The following NRXN3 variants were observed in gnomAD, a reference collection of about 807,000 sequenced individuals.
The protein encoded by NRXN3 is neurexin III.
NRXN3 carries 32 observed loss-of-function variants against 137.6 expected under a neutral mutation model. The ratio of observed to expected loss-of-function variants is 0.23; its 90% confidence interval spans 0.18 to 0.31. The LOEUF (loss-of-function observed/expected upper bound fraction) is 0.31. NRXN3 is among the 10% of genes least tolerant of loss of function. The pLI, the probability that NRXN3 is intolerant of heterozygous loss-of-function variation, is 1.00. For synonymous variants in NRXN3, 798 were observed against 784.5 expected, an observed-to-expected ratio of 1.02 and a Z score of -0.29; for missense variants, 1,574 against 2,062.5, an observed-to-expected ratio of 0.76 and a Z score of 4.59.
chr14:79,304,961 G>A (rs1449266141), intron 15 of NRXN3, among the ~76,000 whole-genome samples: 1 of 151,978 alleles, frequency 6.6e-6, no homozygotes, highest in African/African-American at 2.4e-5. Flanking sequence ...CATACCCCTA[G>A]GAACATCCTG....
chr14:79,425,212 G>A (rs752081721), intron 15 of NRXN3, among the ~76,000 whole-genome samples: 9 of 152,042 alleles, frequency 5.9e-5, no homozygotes, highest in Non-Finnish European at 8.8e-5. Flanking sequence ...GTTATATATC[G>A]GAACCAATGA....
In NRXN3 at chr14:78,924,376, A is replaced by T. The variant is rs759784098; in HGVS notation, c.2276-32866A>T. ...ACACCCAAACAACCATGTAAAATAG[A>T]TATCATAAGCCCTATTGTATTTTAA... is the stretch of plus-strand genomic sequence containing the variant. On this transcript the variant is annotated intron_variant, in intron 10 of 20. Coordinates refer to ENST00000335750, the MANE Select transcript of NRXN3 (RefSeq NM_001330195.2). 8.7e-4 allele frequency among the ~76,000 whole-genome samples: 132 copies of T among 152,196 alleles called. 2 individuals are homozygous for T. Among genetic ancestry groups the T allele is most frequent in the Non-Finnish European group, 1.2e-3 (79 of 68,044 alleles).
intron 15 of NRXN3, among the ~76,000 whole-genome samples, chr14:79,362,615 T>C (rs890926316): frequency 3.9e-5 from 6 of 152,214 alleles, no homozygotes; most frequent in Admixed American, 6.5e-5. Context: ...CTATGTTTCA[T>C]AGAAACATGA....
chr14:78,993,834 ATTTTTTTTTTTTTTTT>A (rs58170856), intron 15 of NRXN3, among the ~76,000 whole-genome samples: 9 of 66,930 alleles, frequency 1.3e-4, no homozygotes, highest in Non-Finnish European at 1.9e-4. Flanking sequence ...GAGCCTTGAA[ATTTTTTTTTTTTTTTT>A]TTTTTTTTTT....
At chr14:79,842,793 CACTATT>C (rs1280664594) in intron 20 of NRXN3, among the ~76,000 whole-genome samples, 2 of 152,090 alleles carry the variant, frequency 1.3e-5, no homozygotes, top group African/African-American at 2.4e-5. Context: ...GAATACAATA[CACTATT>C]ACTAACTACA....
chr14:79,836,815 C>CA (rs146125074), intron 20 of NRXN3, among the ~76,000 whole-genome samples: 3 of 152,026 alleles, frequency 2.0e-5, no homozygotes, highest in Non-Finnish European at 4.4e-5. Context: ...CACACACACA[C>CA]AAAAAATCCT....
At chr14:78,933,723 C>T (rs376042207) in intron 10 of NRXN3, among the ~76,000 whole-genome samples, 1 of 152,172 alleles carries the variant, frequency 6.6e-6, no homozygotes, top group African/African-American at 2.4e-5. Context: ...ATGGTCAAAT[C>T]TAGCTAATTA....
chr14:79,098,480 G>A (rs779199228), intron 15 of NRXN3, among the ~76,000 whole-genome samples: 3 of 151,996 alleles, frequency 2.0e-5, no homozygotes, highest in Non-Finnish European at 2.9e-5. Context: ...AGAAGCTCAC[G>A]GCCTCACTCT....
intron 4 of NRXN3, among the ~76,000 whole-genome samples, chr14:78,524,237 A>G (rs1214930199): frequency 6.6e-6 from 1 of 152,178 alleles, no homozygotes; most frequent in Non-Finnish European, 1.5e-5. Context: ...TTCTACCTGC[A>G]TGTGGAGTTC....
At chr14:79,308,875 ATTTTATTTTATTTTATTTTT>A (rs1407184987) in intron 15 of NRXN3, among the ~76,000 whole-genome samples, 2 of 93,942 alleles carry the variant, frequency 2.1e-5, no homozygotes, top group Admixed American at 1.1e-4. Flanking sequence ...GAGTAATTTT[ATTTTATTTTATTTTATTTTT>A]TTTTATTTTA....
intron 15 of NRXN3, among the ~76,000 whole-genome samples, chr14:79,098,636 C>T (rs2050750647): frequency 6.6e-6 from 1 of 152,146 alleles, no homozygotes; most frequent in African/African-American, 2.4e-5. Context: ...GATACTTACA[C>T]TCACAAACAA....
intron 15 of NRXN3, among the ~76,000 whole-genome samples, chr14:79,458,223 A>G (rs1424664547): frequency 6.6e-6 from 1 of 152,170 alleles, no homozygotes; most frequent in Non-Finnish European, 1.5e-5. Context: ...AATTTGACTA[A>G]AAATGGGTGT....
intron 4 of NRXN3, among the ~76,000 whole-genome samples, chr14:78,454,079 G>A (rs1002162928): frequency 1.1e-4 from 17 of 152,142 alleles, no homozygotes; most frequent in Non-Finnish European, 1.2e-4. Flanking sequence ...CCTTCTTTCA[G>A]TAAATATTAG....
At chr14:78,827,582 A>G (rs1469801675) in intron 10 of NRXN3, among the ~76,000 whole-genome samples, 3 of 152,250 alleles carry the variant, frequency 2.0e-5, no homozygotes, top group South Asian at 2.1e-4. Context: ...TGCTGAGGCC[A>G]TAATAACTGC....
chr14:79,351,975 T>A (rs1379590943), intron 15 of NRXN3, among the ~76,000 whole-genome samples: 1 of 152,192 alleles, frequency 6.6e-6, no homozygotes, highest in African/African-American at 2.4e-5. Flanking sequence ...AGAAGGATAT[T>A]AGCTCCATGA....
intron 16 of NRXN3, among the ~76,000 whole-genome samples, chr14:79,526,850 A>C (rs2097124974): frequency 6.6e-6 from 1 of 152,226 alleles, no homozygotes; most frequent in African/African-American, 2.4e-5. Flanking sequence ...TGTGTTACAA[A>C]ATACAAAAAA....
chr14:78,249,643 T>G (rs1177176032), intron 2 of NRXN3, among the ~76,000 whole-genome samples: 1 of 152,058 alleles, frequency 6.6e-6, no homozygotes, highest in East Asian at 1.9e-4. Context: ...AAAGGTCGAG[T>G]GCCCTTCCTT....
intron 4 of NRXN3, among the ~76,000 whole-genome samples, chr14:78,446,400 G>A (rs1418459981): frequency 1.3e-5 from 2 of 149,070 alleles, no homozygotes; most frequent in Non-Finnish European, 3.0e-5. Flanking sequence ...TTAACATTAT[G>A]CTCTAGGCTT....
At chr14:79,064,217 T>A (rs1200275611) in intron 15 of NRXN3, among the ~76,000 whole-genome samples, 1 of 152,026 alleles carries the variant, frequency 6.6e-6, no homozygotes, top group Non-Finnish European at 1.5e-5. Flanking sequence ...GCCCAGGTGT[T>A]TTTCTCCGAT....
Sources: gnomAD v4.1 joint callset for allele counts (sites outside exome capture counted in the v4.1 genomes callset) on GRCh38, gnomAD v4.1.1 for gene constraint, MANE v1.5 for transcripts, NCBI Gene and HGNC (gene_info 2026-07-23, HGNC 2026-07-21) for gene names.